CYP7B1: variants seen among roughly 807,000 people sequenced by gnomAD.
The protein encoded by CYP7B1 is cytochrome P450 7B1.
In CYP7B1, 29 loss-of-function variants were observed where a neutral mutation model predicts 42.7. That is an observed-to-expected ratio of 0.68 (90% CI 0.51 to 0.93). CYP7B1 has a LOEUF of 0.93. Ranked by LOEUF, CYP7B1 falls within the 40% of genes least tolerant of loss-of-function variation. The pLI is 0.00. For missense variants in CYP7B1, 655 were observed against 600.5 expected, an observed-to-expected ratio of 1.09 and a Z score of -0.95; for synonymous variants, 235 against 218.2, an observed-to-expected ratio of 1.08 and a Z score of -0.68.
chr8:64,687,893 C>T (rs1454501270), intron 1 of CYP7B1, among the ~76,000 whole-genome samples: 1 of 152,188 alleles, frequency 6.6e-6, no homozygotes, highest in South Asian at 2.1e-4. Flanking sequence ...TTATATTTCT[C>T]ACACTTCAGT....
chr8:64,726,176 T>TA lies in CYP7B1; in HGVS notation c.122+72289dup, dbSNP rs201368743. Among the ~76,000 whole-genome samples, 172 of 151,356 alleles carry TA rather than the reference T, an allele frequency of 1.1e-3. 1 individual carries two copies. The Middle Eastern group carries it at 0.017, about 15-fold the overall frequency. ...AACCTTCTTCTACCCCTCTGATCTTTAAAAAAAAATGCCCTCAATTGTTTC... is the reference window on the plus strand; with the variant it reads ...AACCTTCTTCTACCCCTCTGATCTTTAAAAAAAAAATGCCCTCAATTGTTTC... On this transcript the variant is annotated intron_variant, in intron 1 of 5. Coordinates refer to ENST00000310193, the MANE Select transcript of CYP7B1 (RefSeq NM_004820.5).
intron 1 of CYP7B1, among the ~76,000 whole-genome samples, chr8:64,634,129 C>T (rs1000981563): frequency 6.6e-6 from 1 of 152,136 alleles, no homozygotes; most frequent in African/African-American, 2.4e-5. Flanking sequence ...GAGTAGTTGT[C>T]ATTTATTTTG....
chr8:64,643,192 T>TATACATATATATACATATATACACAC (rs1563374454), intron 1 of CYP7B1, among the ~76,000 whole-genome samples: 2 of 115,190 alleles, frequency 1.7e-5, no homozygotes, highest in Admixed American at 9.1e-5. Flanking sequence ...CATATATATA[T>TATACATATATATACATATATACACAC]ACACACACAC....
chr8:64,634,545 C>T (rs556608739), intron 1 of CYP7B1, among the ~76,000 whole-genome samples: 2 of 149,916 alleles, frequency 1.3e-5, no homozygotes, highest in Admixed American at 6.6e-5. Flanking sequence ...CGCCACTGCA[C>T]TCCAGCCTGA....
intron 1 of CYP7B1, among the ~76,000 whole-genome samples, chr8:64,648,848 G>T (rs759874727): frequency 1.3e-5 from 2 of 152,068 alleles, no homozygotes; most frequent in Non-Finnish European, 2.9e-5. Context: ...AAAATCTACG[G>T]TCTAGAATCA....
At chr8:64,704,444 G>T (rs374884555) in intron 1 of CYP7B1, among the ~76,000 whole-genome samples, 1 of 146,802 alleles carries the variant, frequency 6.8e-6, no homozygotes, top group Non-Finnish European at 1.6e-5. Flanking sequence ...ACATCTCAAT[G>T]TGTAGCATTA....
At chr8:64,763,500 A>G (rs542063075) in intron 1 of CYP7B1, among the ~76,000 whole-genome samples, 1 of 152,352 alleles carries the variant, frequency 6.6e-6, no homozygotes, top group South Asian at 2.1e-4. Context: ...AGCAGTGAGT[A>G]ATATCCGACC....
At chr8:64,674,695 CAGGGGCACCT>C (rs1269068292) in intron 1 of CYP7B1, among the ~76,000 whole-genome samples, 1 of 152,006 alleles carries the variant, frequency 6.6e-6, no homozygotes, top group Non-Finnish European at 1.5e-5. Context: ...GAGAGTCTTT[CAGGGGCACCT>C]AGCTCTAAGC....
intron 1 of CYP7B1, among the ~76,000 whole-genome samples, chr8:64,653,736 T>C (rs1806075132): frequency 6.6e-6 from 1 of 152,194 alleles, no homozygotes; most frequent in Non-Finnish European, 1.5e-5. Context: ...TGAACATCGA[T>C]GCAAAAATCC....
chr8:64,634,888 T>A (rs892412615), intron 1 of CYP7B1, among the ~76,000 whole-genome samples: 2 of 152,148 alleles, frequency 1.3e-5, no homozygotes, highest in Non-Finnish European at 2.9e-5. Context: ...GGATACCCCA[T>A]TACTTTCACC....
chr8:64,593,870 A>G lies in CYP7B1; in HGVS notation c.*2772T>C, dbSNP rs1015198015. Among the ~76,000 whole-genome samples, 1 of 152,218 alleles carries G rather than the reference A, an allele frequency of 6.6e-6. No homozygotes were observed. Among genetic ancestry groups the G allele is most frequent in the African/African-American group, 2.4e-5 (1 of 41,460 alleles). ...AAGGTACAAGATATTATAAAAAATA[A>G]GCAGCATATATGAAGAACAAAAGGG... On this transcript the variant is annotated 3_prime_UTR_variant, in exon 6 of 6. Coordinates refer to ENST00000310193, the MANE Select transcript of CYP7B1 (RefSeq NM_004820.5).
intron 1 of CYP7B1, among the ~76,000 whole-genome samples, chr8:64,763,581 T>C (rs777652729): frequency 2.6e-5 from 4 of 152,202 alleles, no homozygotes; most frequent in Non-Finnish European, 5.9e-5. Context: ...GTTGGCCGGT[T>C]AAAAACAATT....
intron 1 of CYP7B1, among the ~76,000 whole-genome samples, chr8:64,690,127 G>T (rs1806716491): frequency 6.6e-6 from 1 of 152,174 alleles, no homozygotes; most frequent in Non-Finnish European, 1.5e-5. Context: ...GCCAAGCACG[G>T]TGGCTCACGC....
intron 2 of CYP7B1, among the ~76,000 whole-genome samples, chr8:64,624,017 ACT>A (rs1805569624): frequency 6.6e-6 from 1 of 152,042 alleles, no homozygotes; most frequent in African/African-American, 2.4e-5. Context: ...GTATATGGGA[ACT>A]CTCTGAACTA....
intron 1 of CYP7B1, among the ~76,000 whole-genome samples, chr8:64,730,960 A>C (rs1187446058): frequency 6.6e-6 from 1 of 152,080 alleles, no homozygotes; most frequent in Non-Finnish European, 1.5e-5. Flanking sequence ...TGGTTTTATA[A>C]GGGGCTTTTT....
Position 64,736,880 on chromosome 8 carries a change from T to C in CYP7B1, c.122+61586A>G, listed in dbSNP as rs189252325. On this transcript the variant is annotated intron_variant, in intron 1 of 5. Coordinates refer to ENST00000310193, the MANE Select transcript of CYP7B1 (RefSeq NM_004820.5). ...TCTACTGTCTATAACAGATATGTTATTTTAAATTTTTACCTAGTAATACTT... is the reference window on the plus strand; with the variant it reads ...TCTACTGTCTATAACAGATATGTTACTTTAAATTTTTACCTAGTAATACTT... Among the ~76,000 whole-genome samples the C allele has an allele frequency of 2.8e-4, 42 of 152,230 alleles. 1 individual carries two copies. In the East Asian group the frequency reaches 7.6e-3, roughly 28 times the overall value.
In CYP7B1 at chr8:64,755,762, T is replaced by C. The variant is rs551743212; in HGVS notation, c.122+42704A>G. Among the ~76,000 whole-genome samples, 175 of 152,334 alleles carry C rather than the reference T, an allele frequency of 1.1e-3. 1 individual carries two copies. Among genetic ancestry groups the C allele is most frequent in the African/African-American group, 4.1e-3 (171 of 41,584 alleles). ...GAGGGGGACAAAATTTCCACATATT[T>C]CTCATTGATGAAATTTAAAATATAA... On this transcript the variant is annotated intron_variant, in intron 1 of 5. Coordinates refer to ENST00000310193, the MANE Select transcript of CYP7B1 (RefSeq NM_004820.5).
intron 1 of CYP7B1, among the ~76,000 whole-genome samples, chr8:64,778,874 A>G (rs1056335625): frequency 1.3e-5 from 2 of 152,120 alleles, no homozygotes; most frequent in African/African-American, 2.4e-5. Context: ...TAAGCCAGTA[A>G]GCAAGTGGAT....
chr8:64,732,138 C>T (rs1807421022), intron 1 of CYP7B1, among the ~76,000 whole-genome samples: 1 of 152,178 alleles, frequency 6.6e-6, no homozygotes, highest in Admixed American at 6.5e-5. Context: ...TCCTCGAGAA[C>T]CTAGCATTGT....
Sources: gnomAD v4.1 joint callset for allele counts (sites outside exome capture counted in the v4.1 genomes callset) on GRCh38, gnomAD v4.1.1 for gene constraint, MANE v1.5 for transcripts, NCBI Gene and HGNC (gene_info 2026-07-23, HGNC 2026-07-21) for gene names.